Variants in PPP6R3 observed in about 807,000 individuals in gnomAD.
The protein encoded by PPP6R3 is serine/threonine-protein phosphatase 6 regulatory subunit 3.
A neutral mutation model predicts 110.7 loss-of-function variants in PPP6R3; 38 were observed. The observed-to-expected ratio is 0.34, with a 90% CI of 0.26 to 0.45. The LOEUF (loss-of-function observed/expected upper bound fraction) is 0.45, where lower values mean the gene tolerates loss of function less well. Ranked by LOEUF, PPP6R3 falls within the 20% of genes least tolerant of loss-of-function variation. The pLI is 1.00. For missense variants in PPP6R3, 870 were observed against 1,062.4 expected (o/e 0.82, Z 2.52); for synonymous variants, 369 against 373.5 (o/e 0.99, Z 0.14).
At chr11:68,566,606 C>T (rs757715567) in intron 9 of PPP6R3, among the ~76,000 whole-genome samples, 1 of 152,132 alleles carries the variant, frequency 6.6e-6, no homozygotes, top group East Asian at 1.9e-4. Flanking sequence ...AGCGATCCAC[C>T]CACCTCGGCC....
In PPP6R3 at chr11:68,523,717, C is replaced by T. The variant is rs1190617165; in HGVS notation, c.-7+4066C>T. On this transcript the variant is annotated intron_variant, in intron 2 of 23. Transcript: ENST00000393800. Reference sequence around the variant, plus strand: ...TACCCATGCCCCCCTGCCCCCCCCCCCCCCTTTTTTTTTTCTCTTGGCCAA... The same window carrying T: ...TACCCATGCCCCCCTGCCCCCCCCCTCCCCTTTTTTTTTTCTCTTGGCCAA... Among the ~76,000 whole-genome samples, 33 of 141,060 alleles carry T rather than the reference C, an allele frequency of 2.3e-4. 1 individual carries two copies. Among genetic ancestry groups the T allele is most frequent in the African/African-American group, 8.1e-4 (30 of 36,900 alleles). 92.5% of individuals were successfully genotyped at this position (141,060 alleles called of 152,430 possible).
chr11:68,577,578 ATT>A (rs2099536772), intron 14 of PPP6R3, among the ~76,000 whole-genome samples: 1 of 152,210 alleles, frequency 6.6e-6, no homozygotes, highest in African/African-American at 2.4e-5. Flanking sequence ...ACTCAAGCAT[ATT>A]TCTTTTGTGA....
chr11:68,562,797 C>G (rs1438630689), intron 8 of PPP6R3, among the ~76,000 whole-genome samples: 1 of 152,068 alleles, frequency 6.6e-6, no homozygotes, highest in African/African-American at 2.4e-5. Flanking sequence ...ACTAGTAGTT[C>G]TAGAAGCAAA....
intron 3 of PPP6R3, among the ~76,000 whole-genome samples, chr11:68,542,611 C>A (rs909879725): frequency 6.6e-6 from 1 of 151,862 alleles, no homozygotes; most frequent in Admixed American, 6.6e-5. Flanking sequence ...CCAGGCTGGT[C>A]ATGAACTCCT....
chr11:68,577,615 T>G (rs1443158428), intron 14 of PPP6R3, among the ~76,000 whole-genome samples: 1 of 152,216 alleles, frequency 6.6e-6, no homozygotes, highest in Non-Finnish European at 1.5e-5. Flanking sequence ...AAGAAGGACT[T>G]CATTACAATT....
intron 1 of PPP6R3, among the ~76,000 whole-genome samples, chr11:68,466,067 G>A (rs1451354033): frequency 6.6e-6 from 1 of 152,158 alleles, no homozygotes; most frequent in Admixed American, 6.5e-5. Context: ...CCCGTCCGAA[G>A]CTTGCTGTAG....
At position 68,556,950 on chromosome 11, in the gene PPP6R3, C is replaced by T. The variant is rs143956702; in HGVS notation, c.732-1616C>T. ...ACAGTAGACTTCCAATTTGACACAGCGGTGAAATGGCTAGGGCCTCTGTTA... is the reference window on the plus strand; with the variant it reads ...ACAGTAGACTTCCAATTTGACACAGTGGTGAAATGGCTAGGGCCTCTGTTA... On this transcript the variant is annotated intron_variant, in intron 7 of 23. Transcript: ENST00000393800. Among the ~76,000 whole-genome samples, 38 of 152,254 alleles carry T rather than the reference C, an allele frequency of 2.5e-4. No individual in the cohort carries two copies. The East Asian group carries it at 7.0e-3, about 28-fold the overall frequency.
At position 68,554,198 on chromosome 11, in the gene PPP6R3, C is replaced by A; in HGVS notation, c.672C>A (p.Asp224Glu). 6.2e-7 allele frequency: 1 copy of A among 1,613,916 alleles called. No individual in the cohort carries two copies. The highest frequency in any genetic ancestry group is 8.5e-7 in the Non-Finnish European group (1 of 1,179,926). ...SLCEIVRLSR[D>E]QMLQIQNSTE... is the part of the protein sequence containing the mutation. ...GTGAAATTGTTCGCCTGAGCAGAGACCAGATGTTACAAATTCAGAACAGTA... is the reference window on the plus strand; with the variant it reads ...GTGAAATTGTTCGCCTGAGCAGAGAACAGATGTTACAAATTCAGAACAGTA... The change falls in exon 7 of 24, where the codon GAC (aspartate) becomes GAA (glutamate). Residue 224 changes from aspartate (D) to glutamate (E), a missense_variant. Coordinates refer to ENST00000393800, the MANE Select transcript of PPP6R3 (RefSeq NM_001164161.2).
In PPP6R3 at chr11:68,548,081, A is replaced by G. The variant is rs201770049; in HGVS notation, c.429A>G (p.Leu143=). ...TTCTTCTCTAGATTGTGGATTTCTT[A>G]AAGAAGAAGCATGATTTTGTAGACC... ...SRKPEQIVDF[L]KKKHDFVDLI... The change falls in exon 5 of 24, where the codon TTA becomes TTG. Residue 143 remains leucine (L), a synonymous_variant. Transcript: ENST00000393800. 34 of 1,613,352 alleles carry G rather than the reference A, an allele frequency of 2.1e-5. 1 individual carries two copies. In the East Asian group the frequency reaches 7.1e-4, roughly 34 times the overall value.
chr11:68,550,931 C>A (rs1426240959), intron 5 of PPP6R3, 190 bp from the exon 6 acceptor site: 1 of 523,240 alleles, frequency 1.9e-6, no homozygotes. Context: ...TACTGTTGGC[C>A]ATTGTTAAAA....
chr11:68,596,453 C>T (rs1350216902), intron 19 of PPP6R3, among the ~76,000 whole-genome samples: 1 of 152,198 alleles, frequency 6.6e-6, no homozygotes, highest in East Asian at 1.9e-4. Context: ...AAATGAACGT[C>T]AGCTGTGTGG....
chr11:68,594,466 G>A (rs901271674), intron 18 of PPP6R3, among the ~76,000 whole-genome samples: 4 of 152,158 alleles, frequency 2.6e-5, no homozygotes, highest in African/African-American at 9.7e-5. Flanking sequence ...AGACCAGCTC[G>A]AGGAACATAG....
At position 68,613,434 on chromosome 11, in the gene PPP6R3, G is replaced by T; in HGVS notation, c.*317G>T. The T allele has an allele frequency of 9.5e-7, 1 of 1,047,906 alleles. No individual in the cohort carries two copies. Among genetic ancestry groups the T allele is most frequent in the Non-Finnish European group, 1.1e-6 (1 of 870,878 alleles). 64.9% of individuals were successfully genotyped at this position (1,047,906 alleles called of 1,614,324 possible). Reference sequence around the variant, plus strand: ...AATACTATAGTTAAAATGGCTGTAAGAATAGTTTTATAAAAGTGAATACAC... The same window carrying T: ...AATACTATAGTTAAAATGGCTGTAATAATAGTTTTATAAAAGTGAATACAC... On this transcript the variant is annotated 3_prime_UTR_variant, in exon 24 of 24. Transcript: ENST00000393800.
At chr11:68,473,072 A>G (rs906309463) in intron 1 of PPP6R3, among the ~76,000 whole-genome samples, 4 of 152,208 alleles carry the variant, frequency 2.6e-5, no homozygotes, top group Non-Finnish European at 4.4e-5. Context: ...AGCTCCTAAA[A>G]TCTTTGGACT....
At chr11:68,590,527 T>TA in intron 16 of PPP6R3, 133 bp from the exon 17 acceptor site, 1 of 1,010,350 alleles carries the variant, frequency 9.9e-7, no homozygotes, top group Non-Finnish European at 1.4e-6. Context: ...AGAAGGTTGT[T>TA]TCTGTTTGTT....
intron 1 of PPP6R3, among the ~76,000 whole-genome samples, chr11:68,475,632 G>C (rs2098824507): frequency 6.6e-6 from 1 of 151,014 alleles, no homozygotes; most frequent in Non-Finnish European, 1.5e-5. Flanking sequence ...GCCGGGTGGG[G>C]GCTGCCCCCC....
At chr11:68,511,893 G>A (rs1159474239) in intron 1 of PPP6R3, among the ~76,000 whole-genome samples, 1 of 152,058 alleles carries the variant, frequency 6.6e-6, no homozygotes, top group African/African-American at 2.4e-5. Context: ...CCTTTTGAAG[G>A]AATCTTTCTA....
chr11:68,511,463 AGTGTGTGTGTGT>A (rs111457206), intron 1 of PPP6R3, among the ~76,000 whole-genome samples: 3 of 138,604 alleles, frequency 2.2e-5, no homozygotes, highest in South Asian at 4.5e-4. Flanking sequence ...ACTGTGTTAG[AGTGTGTGTGTGT>A]GTGTGTGTGT....
At chr11:68,610,933 A>G (rs986055154) in intron 23 of PPP6R3, among the ~76,000 whole-genome samples, 5 of 152,046 alleles carry the variant, frequency 3.3e-5, no homozygotes, top group Admixed American at 1.3e-4. Context: ...TGTTGGTCCA[A>G]AATCCTGTAT....
Sources: allele counts gnomAD v4.1 joint callset (sites outside exome capture counted in the v4.1 genomes callset), GRCh38; gene constraint gnomAD v4.1.1; transcripts MANE v1.5; gene names NCBI Gene and HGNC (gene_info 2026-07-23, HGNC 2026-07-21).